Variants in NSD1 observed in about 807,000 individuals in gnomAD.
NSD1 encodes histone-lysine N-methyltransferase, H3 lysine-36 specific.
Under a neutral mutation model 242.7 loss-of-function variants are expected in NSD1, and 26 were observed. The observed-to-expected ratio is 0.11, with a 90% CI of 0.08 to 0.15. The LOEUF is 0.15. Among genes scored for constraint, NSD1 ranks in the 10% least tolerant of loss-of-function variants. The pLI is 1.00. For synonymous variants in NSD1, 1,106 were observed against 1,178.1 expected, an observed-to-expected ratio of 0.94 and a Z score of 1.25; for missense variants, 2,495 against 3,272.8, an observed-to-expected ratio of 0.76 and a Z score of 5.80.
chr5:177,145,798 C>CT (rs1370875005), intron 2 of NSD1, among the ~76,000 whole-genome samples: 1 of 151,194 alleles, frequency 6.6e-6, no homozygotes, highest in Non-Finnish European at 1.5e-5. Context: ...ATCCCAGCTA[C>CT]TTGGGAGGCT....
chr5:177,159,339 C>G (rs928500192), intron 2 of NSD1, among the ~76,000 whole-genome samples: 1 of 150,976 alleles, frequency 6.6e-6, no homozygotes, highest in Non-Finnish European at 1.5e-5. Context: ...GGCTGGAGTG[C>G]GGTGGCAGTA....
At chr5:177,179,665 A>ATGAGCACT (rs1426332945) in intron 2 of NSD1, among the ~76,000 whole-genome samples, 1 of 152,234 alleles carries the variant, frequency 6.6e-6, no homozygotes, top group African/African-American at 2.4e-5. Flanking sequence ...AGGGGCTCTC[A>ATGAGCACT]TGAGCACTAT....
rs1401926746 is a variant in NSD1 at position 177,249,527 on chromosome 5, C to T, written c.4641+1203C>T. ...TGTCGGCCAGGCTGCAGTGCAGTGG[C>T]GCGATCTCTGCTCACTGCAAGCTCC... On this transcript the variant is annotated intron_variant, in intron 11 of 22. Coordinates refer to ENST00000439151, the MANE Select transcript of NSD1 (RefSeq NM_022455.5). Among the ~76,000 whole-genome samples the T allele has an allele frequency of 5.3e-5, 8 of 152,110 alleles. No individual in the cohort carries two copies. In the South Asian group the frequency reaches 8.3e-4, roughly 16 times the overall value.
At chr5:177,195,602 G>C (rs964315497) in intron 3 of NSD1, among the ~76,000 whole-genome samples, 1 of 152,058 alleles carries the variant, frequency 6.6e-6, no homozygotes, top group Non-Finnish European at 1.5e-5. Flanking sequence ...CAAGCAGCTG[G>C]GGCTACAGGC....
chr5:177,178,789 A>G (rs753527172), intron 2 of NSD1, among the ~76,000 whole-genome samples: 2 of 152,196 alleles, frequency 1.3e-5, no homozygotes, highest in Non-Finnish European at 2.9e-5. Context: ...TTTATTGATT[A>G]CTGAGTAGGT....
At chr5:177,159,693 T>C (rs1758577323) in intron 2 of NSD1, among the ~76,000 whole-genome samples, 2 of 150,922 alleles carry the variant, frequency 1.3e-5, no homozygotes, top group South Asian at 4.2e-4. Context: ...CCTCCCACGT[T>C]CAAGCAATTC....
intron 3 of NSD1, among the ~76,000 whole-genome samples, chr5:177,194,047 G>T (rs2149823734): frequency 6.6e-6 from 1 of 152,200 alleles, no homozygotes; most frequent in Middle Eastern, 3.4e-3. Context: ...AAAGTGTTTG[G>T]ATTACAGGCG....
chr5:177,267,199 A>G (rs892079721), intron 14 of NSD1, among the ~76,000 whole-genome samples: 1 of 152,200 alleles, frequency 6.6e-6, no homozygotes, highest in African/African-American at 2.4e-5. Context: ...AACTAACCAT[A>G]TGGAGATACT....
In NSD1 at chr5:177,135,068, C is replaced by T; in HGVS notation, c.-17-19C>T. 1 of 1,605,748 alleles carries T rather than the reference C, an allele frequency of 6.2e-7. No individual in the cohort carries two copies. The highest frequency in any genetic ancestry group is 1.7e-4 in the Middle Eastern group (1 of 6,048). ...ATGGCCTATTAACTCAGATTAATTGCTGTGCTTTTGGATTCCAGGTTGATG... is the reference window on the plus strand; with the variant it reads ...ATGGCCTATTAACTCAGATTAATTGTTGTGCTTTTGGATTCCAGGTTGATG... On this transcript the variant is annotated intron_variant, in intron 1 of 22. Coordinates refer to ENST00000439151, the MANE Select transcript of NSD1 (RefSeq NM_022455.5).
At chr5:177,228,499 G>A (rs920766219) in intron 5 of NSD1, among the ~76,000 whole-genome samples, 1 of 151,958 alleles carries the variant, frequency 6.6e-6, no homozygotes, top group African/African-American at 2.4e-5. Flanking sequence ...TTACAGGCGC[G>A]AGTCACCAGC....
chr5:177,227,600 C>T (rs932373446), intron 5 of NSD1, among the ~76,000 whole-genome samples: 2 of 152,154 alleles, frequency 1.3e-5, no homozygotes, highest in Non-Finnish European at 2.9e-5. Context: ...GCCACCACAT[C>T]GGGCTAATGT....
chr5:177,223,491 T>C (rs545943810), intron 5 of NSD1, among the ~76,000 whole-genome samples: 1 of 151,906 alleles, frequency 6.6e-6, no homozygotes, highest in African/African-American at 2.4e-5. Flanking sequence ...GAGAATCACT[T>C]GAACCCAGGA....
chr5:177,157,924 T>C (rs915730915), intron 2 of NSD1, among the ~76,000 whole-genome samples: 1 of 152,262 alleles, frequency 6.6e-6, no homozygotes, highest in Non-Finnish European at 1.5e-5. Flanking sequence ...TATGTTGTTG[T>C]ATGTATGCAT....
Position 177,299,172 on chromosome 5 carries a change from T to TAC in NSD1, c.*3723_*3724dup, listed in dbSNP as rs1285434549. ...GAAATAAGAATAGATCATTGTTTTG[T>TAC]ACACACACACAATAAAATGTAATGA... On this transcript the variant is annotated 3_prime_UTR_variant, in exon 23 of 23. Transcript: ENST00000439151. 1 of 233,130 alleles carries TAC rather than the reference T, an allele frequency of 4.3e-6. No individual in the cohort carries two copies. Among genetic ancestry groups the TAC allele is most frequent in the Non-Finnish European group, 8.5e-6 (1 of 118,044 alleles). 14.4% of individuals were successfully genotyped at this position (233,130 alleles called of 1,614,324 possible).
At chr5:177,165,418 C>T (rs1380840737) in intron 2 of NSD1, among the ~76,000 whole-genome samples, 1 of 152,174 alleles carries the variant, frequency 6.6e-6, no homozygotes. Flanking sequence ...ATCTGCCTGT[C>T]TTGGCCTCCC....
rs763401457 is a variant in NSD1, at chr5:177,246,795, A to G, written c.4496A>G (p.Glu1499Gly). 31 of 1,603,038 alleles carry G rather than the reference A, an allele frequency of 1.9e-5. No individual in the cohort carries two copies. Among genetic ancestry groups the G allele is most frequent in the Non-Finnish European group, 2.5e-5 (29 of 1,170,128 alleles). The stretch of plus-strand genomic sequence containing the variant: ...TCGTCAAAAGAGATTCCAGGCTCAG[A>G]GGTATTACTCAGTTCCTGATCTTTT... ...DDSSKEIPGS[E>G]GELMPHRTAT... The change falls in exon 10 of 23, where the codon GAG (glutamate) becomes GGG (glycine). Residue 1499 changes from glutamate (E) to glycine (G), a missense_variant and splice_region_variant. By Grantham distance (98) the Glu-to-Gly change is moderately conservative. Transcript: ENST00000439151.
intron 3 of NSD1, 37 bp from the exon 4 acceptor site, chr5:177,204,083 T>C: frequency 6.3e-7 from 1 of 1,597,514 alleles, no homozygotes; most frequent in Non-Finnish European, 8.6e-7. Context: ...AGTAATTTCT[T>C]TGATCTAATG....
At chr5:177,179,420 G>A (rs1021232531) in intron 2 of NSD1, among the ~76,000 whole-genome samples, 2 of 152,178 alleles carry the variant, frequency 1.3e-5, no homozygotes, top group Non-Finnish European at 2.9e-5. Context: ...TCTCCATGTT[G>A]GTCAGACTGG....
chr5:177,199,965 A>G (rs1262302320), intron 3 of NSD1, among the ~76,000 whole-genome samples: 7 of 152,152 alleles, frequency 4.6e-5, no homozygotes, highest in Admixed American at 4.6e-4. Flanking sequence ...ATTTTTCCAC[A>G]AATCTGTTGT....
Sources: allele counts gnomAD v4.1 joint callset (sites outside exome capture counted in the v4.1 genomes callset), GRCh38; gene constraint gnomAD v4.1.1; transcripts MANE v1.5; gene names NCBI Gene and HGNC (gene_info 2026-07-23, HGNC 2026-07-21).